The following RAI1 variants were observed in gnomAD, a reference collection of about 807,000 sequenced individuals.
RAI1 encodes the protein retinoic acid induced 1, also known as retinoic acid-induced protein 1.
Under a neutral mutation model 123.8 loss-of-function variants are expected in RAI1, and 9 were observed. That is an observed-to-expected ratio of 0.07 (90% confidence interval 0.04 to 0.13). The LOEUF is 0.13. RAI1 is among the 10% of genes least tolerant of loss of function. The pLI is 1.00. For synonymous variants in RAI1, 1,231 were observed against 1,127.3 expected (o/e 1.09, Z -1.84); for missense variants, 2,256 against 2,545.8 (o/e 0.89, Z 2.45).
intron 2 of RAI1, among the ~76,000 whole-genome samples, chr17:17,735,251 A>G (rs1165616599): frequency 1.3e-5 from 2 of 148,638 alleles, no homozygotes; most frequent in African/African-American, 5.0e-5. Context: ...ATGGGGTTTC[A>G]CCATGTTGGT....
In RAI1 at chr17:17,703,236, C is replaced by G. The variant is rs370420020; in HGVS notation, c.-148-20792C>G. 7.9e-5 allele frequency among the ~76,000 whole-genome samples: 12 copies of G among 152,326 alleles called. No homozygotes were observed. The East Asian group carries it at 1.9e-3, about 24-fold the overall frequency. On this transcript the variant is annotated intron_variant, in intron 1 of 5. Coordinates refer to ENST00000353383, the MANE Select transcript of RAI1 (RefSeq NM_030665.4). ...TCACAGGAGGCTAGGGAGGATCCAA[C>G]TTCCTGTCCAGGTCAGGGTCAGGAG...
At chr17:17,774,488 A>G (rs1347851479) in intron 2 of RAI1, among the ~76,000 whole-genome samples, 1 of 152,196 alleles carries the variant, frequency 6.6e-6, no homozygotes. Flanking sequence ...TCCTCCCAAC[A>G]TGCCAGCCAG....
At chr17:17,805,477 TCCAGGCCCCC>T (rs773041147) in intron 4 of RAI1, among the ~76,000 whole-genome samples, 7 of 151,890 alleles carry the variant, frequency 4.6e-5, no homozygotes, top group Non-Finnish European at 7.4e-5. Flanking sequence ...GTGGACAGAG[TCCAGGCCCCC>T]CCAGGCTCCC....
In RAI1 at chr17:17,797,477, C is replaced by T. The variant is rs1237900854; in HGVS notation, c.4529C>T (p.Pro1510Leu). The T allele has an allele frequency of 6.2e-7, 1 of 1,613,260 alleles. No individual in the cohort carries two copies. The highest frequency in any genetic ancestry group is 8.5e-7 in the Non-Finnish European group (1 of 1,179,782). ...GAGGAGCTGGGCCTGGCCTCCCAGC[C>T]CCCGGAGGGCAGGCCCTGCCAGCCC... ...KMEELGLASQPPEGRPCQPQT... is the reference protein window; with the variant it reads ...KMEELGLASQLPEGRPCQPQT... The change falls in exon 3 of 6, where the codon CCC becomes CTC. Residue 1510 changes from proline (P) to leucine (L), a missense_variant. Around this residue, in one of 7 missense-constraint regions of RAI1, gnomAD observed 410 missense variants for 374.6 expected, o/e 1.09. Coordinates refer to ENST00000353383, the MANE Select transcript of RAI1 (RefSeq NM_030665.4).
chr17:17,759,996 T>C (rs1451859160), intron 2 of RAI1, among the ~76,000 whole-genome samples: 1 of 152,126 alleles, frequency 6.6e-6, no homozygotes, highest in Non-Finnish European at 1.5e-5. Context: ...AGATGGGCTG[T>C]AGAATAAAGC....
intron 2 of RAI1, among the ~76,000 whole-genome samples, chr17:17,768,623 G>A (rs1259605426): frequency 6.6e-6 from 1 of 152,256 alleles, no homozygotes; most frequent in Non-Finnish European, 1.5e-5. Flanking sequence ...GTCAAGGGCA[G>A]GAAGTGGGCT....
At chr17:17,760,527 T>C (rs1002465933) in intron 2 of RAI1, among the ~76,000 whole-genome samples, 6 of 152,158 alleles carry the variant, frequency 3.9e-5, no homozygotes, top group Non-Finnish European at 7.4e-5. Flanking sequence ...GTCCCCGCCA[T>C]GGAGAGGGGC....
chr17:17,727,015 A>G (rs1916114219), intron 2 of RAI1, among the ~76,000 whole-genome samples: 2 of 152,202 alleles, frequency 1.3e-5, no homozygotes, highest in Non-Finnish European at 1.5e-5. Flanking sequence ...CCTTTTGTCC[A>G]ACATTCTGGA....
chr17:17,774,761 TG>T (rs981116880), intron 2 of RAI1, among the ~76,000 whole-genome samples: 1 of 152,270 alleles, frequency 6.6e-6, no homozygotes, highest in Non-Finnish European at 1.5e-5. Flanking sequence ...CTAACTTAGT[TG>T]CGCCCTCCTC....
chr17:17,778,508 A>G (rs2031435222), intron 2 of RAI1: 3 of 348,000 alleles, frequency 8.6e-6, no homozygotes, highest in Admixed American at 3.8e-5. Context: ...GCCCAAGGTC[A>G]CCCAGCATAT....
chr17:17,749,380 G>A (rs765566162), intron 2 of RAI1, among the ~76,000 whole-genome samples: 5 of 152,228 alleles, frequency 3.3e-5, no homozygotes, highest in African/African-American at 1.2e-4. Context: ...CATCCTCCAC[G>A]CACTGCCTAG....
intron 1 of RAI1, among the ~76,000 whole-genome samples, chr17:17,716,113 G>A (rs919015363): frequency 6.6e-6 from 1 of 152,250 alleles, no homozygotes; most frequent in Non-Finnish European, 1.5e-5. Flanking sequence ...CAGGGGACTT[G>A]AGAGGTCTTC....
chr17:17,688,399 A>G (rs1914714240), intron 1 of RAI1, among the ~76,000 whole-genome samples: 1 of 151,500 alleles, frequency 6.6e-6, no homozygotes, highest in African/African-American at 2.4e-5. Flanking sequence ...CAGGAGGATC[A>G]CTTGAACCCC....
At chr17:17,792,209 A>C (rs2143001239) in intron 2 of RAI1, among the ~76,000 whole-genome samples, 1 of 152,242 alleles carries the variant, frequency 6.6e-6, no homozygotes, top group Middle Eastern at 3.4e-3. Flanking sequence ...AGAGGAGGGG[A>C]CATTTTATGT....
At position 17,801,604 on chromosome 17, in the gene RAI1, C is replaced by A. The variant is rs1032661112; in HGVS notation, c.5566-2152C>A. Among the ~76,000 whole-genome samples, 1 of 152,218 alleles carries A rather than the reference C, an allele frequency of 6.6e-6. No individual in the cohort carries two copies. The highest frequency in any genetic ancestry group is 6.5e-5 in the Admixed American group (1 of 15,288). On this transcript the variant is annotated intron_variant, in intron 3 of 5. Transcript: ENST00000353383. This position sits in a 1 kb window ranked among gnomAD's most constrained non-coding sequence, Gnocchi z 4.1. ...ACTGGGGACGCTGGACTCCAGATCT[C>A]CAGGAGGCCATCCCAGACTAGGCGG...
Position 17,803,858 on chromosome 17 carries a change from C to T in RAI1, c.5659+9C>T, listed in dbSNP as rs1188774671. 6.2e-7 allele frequency: 1 copy of T among 1,612,212 alleles called. No individual in the cohort carries two copies. Among genetic ancestry groups the T allele is most frequent in the East Asian group, 2.2e-5 (1 of 44,860 alleles). Reference sequence around the variant, plus strand: ...GTGTGCCAGCGATGCAGGTACGAGCCCGCCCAGGAACAGGAGGGCATTGGA... The same window carrying T: ...GTGTGCCAGCGATGCAGGTACGAGCTCGCCCAGGAACAGGAGGGCATTGGA... On this transcript the variant is annotated intron_variant, in intron 4 of 5. Transcript: ENST00000353383.
chr17:17,705,706 A>G (rs1467125358), intron 1 of RAI1, among the ~76,000 whole-genome samples: 1 of 150,924 alleles, frequency 6.6e-6, no homozygotes, highest in Non-Finnish European at 1.5e-5. Flanking sequence ...GGCCTGGGCG[A>G]CAGTGCAAGA....
chr17:17,693,058 T>C (rs1283233574), intron 1 of RAI1, among the ~76,000 whole-genome samples: 1 of 152,226 alleles, frequency 6.6e-6, no homozygotes, highest in East Asian at 1.9e-4. Context: ...TCGCTCAGGC[T>C]GTGTAGGGCT....
intron 1 of RAI1, among the ~76,000 whole-genome samples, chr17:17,717,302 G>A (rs1246557054): frequency 6.6e-6 from 1 of 152,148 alleles, no homozygotes; most frequent in African/African-American, 2.4e-5. Context: ...AGAAGAAAGC[G>A]CCTGTGAGTC....
Sources: gnomAD v4.1 joint callset for allele counts (sites outside exome capture counted in the v4.1 genomes callset) on GRCh38, gnomAD v4.1.1 for gene constraint, gnomAD v4.1.1 regional missense constraint, Gnocchi (gnomAD v3.1) non-coding constraint, MANE v1.5 for transcripts, NCBI Gene and HGNC (gene_info 2026-07-23, HGNC 2026-07-21) for gene names.